GNB1: variants seen among roughly 807,000 people sequenced by gnomAD.
The protein encoded by GNB1 is guanine nucleotide-binding protein G(I)/G(S)/G(T) subunit beta-1.
A neutral mutation model predicts 42.9 loss-of-function variants in GNB1; 2 were observed. That is an observed-to-expected ratio of 0.05 (90% CI 0.02 to 0.15). The LOEUF (loss-of-function observed/expected upper bound fraction) is 0.15. Ranked by LOEUF, GNB1 falls within the 10% of genes least tolerant of loss-of-function variation. The pLI is 1.00. For missense variants in GNB1, 193 were observed against 462.2 expected (o/e 0.42, Z 5.34); for synonymous variants, 183 against 174.7 (o/e 1.05, Z -0.38).
intron 1 of GNB1, among the ~76,000 whole-genome samples, chr1:1,855,336 AG>A (rs1387003529): frequency 6.7e-6 from 1 of 150,008 alleles, no homozygotes; most frequent in Admixed American, 6.7e-5. Context: ...AAAAAAAAAA[AG>A]AAAAGAAAAG....
chr1:1,830,780 C>CAA (rs766679628), intron 2 of GNB1, among the ~76,000 whole-genome samples: 1 of 152,000 alleles, frequency 6.6e-6, no homozygotes, highest in Non-Finnish European at 1.5e-5. Flanking sequence ...CTCTTGGCTT[C>CAA]AAGTGATCCT....
At chr1:1,802,816 C>G (rs1295041096) in intron 7 of GNB1, among the ~76,000 whole-genome samples, 1 of 150,682 alleles carries the variant, frequency 6.6e-6, no homozygotes, top group Non-Finnish European at 1.5e-5. Context: ...GTGGCTAAAG[C>G]CATGCTTAGA....
At chr1:1,827,796 A>G (rs984021403) in intron 2 of GNB1, among the ~76,000 whole-genome samples, 1 of 152,190 alleles carries the variant, frequency 6.6e-6, no homozygotes, top group African/African-American at 2.4e-5. Context: ...CCCCGCACGC[A>G]TAATAGAGAA....
chr1:1,802,404 A>G lies in GNB1; in HGVS notation c.430+2015T>C, dbSNP rs75947179. ...AAAACTTCAGATATGTAAAAATTAT[A>G]CATCTAAATAACCTATAAGTCAAAT... On this transcript the variant is annotated intron_variant, in intron 7 of 11. Transcript: ENST00000378609. Among the ~76,000 whole-genome samples the G allele has an allele frequency of 1.9e-4, 29 of 152,346 alleles. No homozygotes were observed. In the East Asian group the frequency reaches 5.6e-3, roughly 29 times the overall value.
intron 1 of GNB1, among the ~76,000 whole-genome samples, chr1:1,847,894 A>G (rs966643452): frequency 1.3e-5 from 2 of 152,238 alleles, no homozygotes. Context: ...AGATGTCAGT[A>G]CTTCCAACGT....
intron 1 of GNB1, among the ~76,000 whole-genome samples, chr1:1,845,802 GAATCATTTGTGTGT>G (rs1342951846): frequency 6.9e-6 from 1 of 145,706 alleles, no homozygotes; most frequent in Non-Finnish European, 1.5e-5. Flanking sequence ...TTCCGCTGTA[GAATCATTTGTGTGT>G]AAGTCCATAC....
chr1:1,875,996 G>A (rs1303416045), intron 1 of GNB1, among the ~76,000 whole-genome samples: 1 of 152,100 alleles, frequency 6.6e-6, no homozygotes, highest in African/African-American at 2.4e-5. Context: ...GAGACACTGA[G>A]AAAAGCCCAC....
At chr1:1,843,042 G>T (rs1171946371) in intron 1 of GNB1, among the ~76,000 whole-genome samples, 1 of 152,160 alleles carries the variant, frequency 6.6e-6, no homozygotes, top group African/African-American at 2.4e-5. Context: ...CCTTTCCCCA[G>T]CTGTAACAGC....
chr1:1,847,557 T>A (rs1647735919), intron 1 of GNB1, among the ~76,000 whole-genome samples: 1 of 152,176 alleles, frequency 6.6e-6, no homozygotes. Flanking sequence ...ATGGAAAGAA[T>A]TGTCAATGCT....
intron 7 of GNB1, among the ~76,000 whole-genome samples, chr1:1,795,189 GCCCTGCAGCTTGCTGTCGTGC>G (rs1438103555): frequency 1.3e-5 from 2 of 152,154 alleles, no homozygotes; most frequent in Non-Finnish European, 2.9e-5. Context: ...CCCCTGTAGT[GCCCTGCAGCTTGCTGTCGTGC>G]CCCGCAGCTC....
intron 4 of GNB1, among the ~76,000 whole-genome samples, chr1:1,817,495 T>C (rs1190174512): frequency 1.3e-5 from 2 of 152,222 alleles, no homozygotes; most frequent in Non-Finnish European, 2.9e-5. Flanking sequence ...GTTTAACTTT[T>C]TGAGGTATTA....
Position 1,866,138 on chromosome 1 carries a change from C to A in GNB1, c.-96+24682G>T, listed in dbSNP as rs188578719. On this transcript the variant is annotated intron_variant, in intron 1 of 11. Transcript: ENST00000378609. Reference sequence around the variant, plus strand: ...TATTTAGTAGACAGACAGGGTTTCACCATCTTGGTCAGGCTGGTCTCAAAC... The same window carrying A: ...TATTTAGTAGACAGACAGGGTTTCAACATCTTGGTCAGGCTGGTCTCAAAC... 7.2e-5 allele frequency among the ~76,000 whole-genome samples: 11 copies of A among 152,298 alleles called. No homozygotes were observed. In the East Asian group the frequency reaches 1.9e-3, roughly 27 times the overall value.
intron 1 of GNB1, among the ~76,000 whole-genome samples, chr1:1,861,729 A>C (rs1457555061): frequency 1.3e-5 from 2 of 152,070 alleles, no homozygotes; most frequent in East Asian, 3.9e-4. Context: ...GGCTCCAGTT[A>C]GAGCTCAAAC....
intron 2 of GNB1, among the ~76,000 whole-genome samples, chr1:1,835,950 C>T (rs1399665886): frequency 8.0e-6 from 1 of 125,052 alleles, no homozygotes; most frequent in African/African-American, 3.0e-5. Flanking sequence ...AAAAGCCAGA[C>T]ATGGTAGTGC....
chr1:1,863,634 C>T (rs1395878874), intron 1 of GNB1, among the ~76,000 whole-genome samples: 5 of 152,212 alleles, frequency 3.3e-5, no homozygotes, highest in Non-Finnish European at 5.9e-5. Flanking sequence ...CAAAAACCCA[C>T]AGGACTCACT....
chr1:1,827,545 T>C (rs1647015575), intron 2 of GNB1, among the ~76,000 whole-genome samples: 1 of 152,160 alleles, frequency 6.6e-6, no homozygotes, highest in Non-Finnish European at 1.5e-5. Flanking sequence ...ATAAGACTGG[T>C]TAATTCTTTC....
chr1:1,874,467 C>T (rs1045693403), intron 1 of GNB1, among the ~76,000 whole-genome samples: 9 of 151,828 alleles, frequency 5.9e-5, no homozygotes, highest in Non-Finnish European at 8.8e-5. Context: ...GAAAGCCGGG[C>T]GTGGCGGTGT....
At chr1:1,850,670 C>T (rs1397625013) in intron 1 of GNB1, among the ~76,000 whole-genome samples, 2 of 152,118 alleles carry the variant, frequency 1.3e-5, no homozygotes, top group Non-Finnish European at 2.9e-5. Flanking sequence ...CTTTCTCACT[C>T]AATCTTTTAC....
At chr1:1,858,171 C>T (rs1648409508) in intron 1 of GNB1, among the ~76,000 whole-genome samples, 1 of 152,116 alleles carries the variant, frequency 6.6e-6, no homozygotes. Flanking sequence ...CATGAATATC[C>T]CCACTGCCTT....
Sources: gnomAD v4.1 joint callset for allele counts (sites outside exome capture counted in the v4.1 genomes callset) on GRCh38, gnomAD v4.1.1 for gene constraint, MANE v1.5 for transcripts, NCBI Gene and HGNC (gene_info 2026-07-23, HGNC 2026-07-21) for gene names.